Variants in KCTD16 observed in about 807,000 individuals in gnomAD.
The protein encoded by KCTD16 is BTB/POZ domain-containing protein KCTD16.
A neutral mutation model predicts 33.2 loss-of-function variants in KCTD16; 13 were observed. The ratio of observed to expected loss-of-function variants is 0.39; its 90% CI spans 0.25 to 0.62. KCTD16 has a LOEUF of 0.62. KCTD16 is among the 20% of genes least tolerant of loss of function. The pLI is 0.50. For missense variants in KCTD16, 441 were observed against 525.1 expected (o/e 0.84, Z 1.57); for synonymous variants, 197 against 195.3 (o/e 1.01, Z -0.07).
Position 144,260,148 on chromosome 5 carries a change from G to C in KCTD16, c.832+52602G>C, listed in dbSNP as rs753070435. The stretch of plus-strand genomic sequence containing the variant: ...TTCTCACTCCATTCATGCAGTTCGT[G>C]TATGAGCAGACAAGAAAAAGTCCTG... On this transcript the variant is annotated intron_variant, in intron 3 of 3. Coordinates refer to ENST00000512467, the MANE Select transcript of KCTD16 (RefSeq NM_020768.4). 2.0e-5 allele frequency among the ~76,000 whole-genome samples: 3 copies of C among 152,328 alleles called. No homozygotes were observed. In the South Asian group the frequency reaches 6.2e-4, roughly 32 times the overall value.
chr5:144,177,920 T>A (rs1328205689), intron 2 of KCTD16, among the ~76,000 whole-genome samples: 1 of 152,226 alleles, frequency 6.6e-6, no homozygotes, highest in African/African-American at 2.4e-5. Flanking sequence ...ATCTGATTTT[T>A]TTTCACTTTG....
chr5:144,349,354 A>C (rs1752888177), intron 3 of KCTD16, among the ~76,000 whole-genome samples: 1 of 152,160 alleles, frequency 6.6e-6, no homozygotes. Context: ...CAGTACTGGC[A>C]TTTAGCAGGT....
intron 3 of KCTD16, among the ~76,000 whole-genome samples, chr5:144,466,457 G>A (rs1294918986): frequency 6.6e-6 from 1 of 151,936 alleles, no homozygotes; most frequent in Non-Finnish European, 1.5e-5. Context: ...TAAATATAAT[G>A]ATAAAAGACC....
intron 3 of KCTD16, among the ~76,000 whole-genome samples, chr5:144,304,053 G>A (rs950749636): frequency 4.0e-5 from 6 of 151,728 alleles, no homozygotes; most frequent in Non-Finnish European, 8.8e-5. Context: ...CCTTCTTTAG[G>A]TATACATTTT....
chr5:144,320,867 CT>C (rs1752054304), intron 3 of KCTD16, among the ~76,000 whole-genome samples: 1 of 150,922 alleles, frequency 6.6e-6, no homozygotes, highest in Non-Finnish European at 1.5e-5. Flanking sequence ...AATGCCAATT[CT>C]TTTTGAGACG....
intron 1 of KCTD16, among the ~76,000 whole-genome samples, chr5:144,171,540 T>C (rs1001781018): frequency 6.6e-6 from 1 of 152,138 alleles, no homozygotes; most frequent in Non-Finnish European, 1.5e-5. Context: ...ATCCCTAATC[T>C]CTAGCCATTA....
At chr5:144,285,563 G>T (rs1374177114) in intron 3 of KCTD16, among the ~76,000 whole-genome samples, 1 of 152,122 alleles carries the variant, frequency 6.6e-6, no homozygotes, top group East Asian at 1.9e-4. Flanking sequence ...TTGACCTTGC[G>T]TTTTTTGTTT....
intron 3 of KCTD16, among the ~76,000 whole-genome samples, chr5:144,224,989 A>G (rs1482877133): frequency 6.6e-6 from 1 of 152,182 alleles, no homozygotes; most frequent in Admixed American, 6.5e-5. Flanking sequence ...ATAGGTTCAT[A>G]TTAAGAATGG....
At chr5:144,231,684 A>T (rs1172136870) in intron 3 of KCTD16, among the ~76,000 whole-genome samples, 2 of 152,160 alleles carry the variant, frequency 1.3e-5, no homozygotes, top group East Asian at 1.9e-4. Context: ...TGTTCTCATG[A>T]TAGTGAATTT....
At chr5:144,375,244 A>C (rs1167530425) in intron 3 of KCTD16, among the ~76,000 whole-genome samples, 1 of 152,208 alleles carries the variant, frequency 6.6e-6, no homozygotes, top group Non-Finnish European at 1.5e-5. Context: ...GGAATAGCTC[A>C]TGCTCTCTGG....
intron 2 of KCTD16, among the ~76,000 whole-genome samples, chr5:144,194,412 A>G (rs1311578327): frequency 2.0e-5 from 3 of 152,238 alleles, no homozygotes; most frequent in Non-Finnish European, 4.4e-5. Flanking sequence ...GGAGATTTAT[A>G]TGATTGCTCT....
intron 3 of KCTD16, among the ~76,000 whole-genome samples, chr5:144,303,569 C>T (rs1751503995): frequency 6.6e-6 from 1 of 152,160 alleles, no homozygotes; most frequent in Non-Finnish European, 1.5e-5. Context: ...CTCATTATCT[C>T]AGAGTGACCT....
At chr5:144,341,757 T>C (rs1360742742) in intron 3 of KCTD16, among the ~76,000 whole-genome samples, 1 of 152,210 alleles carries the variant, frequency 6.6e-6, no homozygotes, top group African/African-American at 2.4e-5. Context: ...ATTTGGGGGA[T>C]CAAGGCACTT....
In KCTD16 at chr5:144,208,440, C is replaced by T. The variant is rs1167119219; in HGVS notation, c.832+894C>T. 3.3e-5 allele frequency among the ~76,000 whole-genome samples: 5 copies of T among 152,190 alleles called. No individual in the cohort carries two copies. In the East Asian group the frequency reaches 7.7e-4, roughly 23 times the overall value. ...AAACTATAAACTGTGAGCCATTGAT[C>T]CCTGAAAGGAAAAGAGTAAATCAGC... On this transcript the variant is annotated intron_variant, in intron 3 of 3. Transcript: ENST00000512467.
intron 3 of KCTD16, among the ~76,000 whole-genome samples, chr5:144,207,889 C>A (rs1753238330): frequency 6.6e-6 from 1 of 152,188 alleles, no homozygotes; most frequent in Non-Finnish European, 1.5e-5. Flanking sequence ...GGCTGTTTGT[C>A]CACAGGAGCT....
intron 3 of KCTD16, among the ~76,000 whole-genome samples, chr5:144,311,881 A>G (rs1580864106): frequency 6.6e-6 from 1 of 152,194 alleles, no homozygotes; most frequent in Non-Finnish European, 1.5e-5. Flanking sequence ...ATCATCTCTA[A>G]TGTTTCTAAC....
At chr5:144,257,558 G>A (rs944488687) in intron 3 of KCTD16, among the ~76,000 whole-genome samples, 1 of 151,646 alleles carries the variant, frequency 6.6e-6, no homozygotes, top group Non-Finnish European at 1.5e-5. Flanking sequence ...ACGTGATCTC[G>A]GCTCCCTGCA....
intron 3 of KCTD16, among the ~76,000 whole-genome samples, chr5:144,409,421 G>C (rs944709886): frequency 1.3e-5 from 2 of 151,948 alleles, no homozygotes; most frequent in African/African-American, 4.8e-5. Context: ...CATAATTCTT[G>C]GGACACTTGT....
At chr5:144,302,734 A>G (rs1751476112) in intron 3 of KCTD16, among the ~76,000 whole-genome samples, 1 of 152,246 alleles carries the variant, frequency 6.6e-6, no homozygotes, top group Non-Finnish European at 1.5e-5. Context: ...CATCCTTGGA[A>G]AAATCAGTTG....
Sources: gnomAD v4.1 joint callset for allele counts (sites outside exome capture counted in the v4.1 genomes callset) on GRCh38, gnomAD v4.1.1 for gene constraint, MANE v1.5 for transcripts, NCBI Gene and HGNC (gene_info 2026-07-23, HGNC 2026-07-21) for gene names.